The following INO80 variants were observed in gnomAD, a reference collection of about 807,000 sequenced individuals.
INO80 encodes INO80 complex ATPase subunit.
INO80 carries 20 observed loss-of-function variants against 203.4 expected under a neutral mutation model. That is an observed-to-expected ratio of 0.10 (90% CI 0.07 to 0.14). The LOEUF (loss-of-function observed/expected upper bound fraction) is 0.14. Among genes scored for constraint, INO80 ranks in the 10% least tolerant of loss-of-function variants. The probability of loss-of-function intolerance (pLI) is 1.00; values close to 1 mark genes in which losing one functional copy is unlikely to be tolerated. For missense variants in INO80, 1,419 were observed against 1,914.4 expected, an observed-to-expected ratio of 0.74 and a Z score of 4.83; for synonymous variants, 726 against 685.2, an observed-to-expected ratio of 1.06 and a Z score of -0.93.
intron 1 of INO80, among the ~76,000 whole-genome samples, chr15:41,098,039 A>G (rs1254642575): frequency 3.3e-5 from 5 of 152,112 alleles, no homozygotes; most frequent in Admixed American, 3.3e-4. Flanking sequence ...TTTAGTAGAG[A>G]CAGGGTTTCA....
In INO80 at chr15:41,009,895, C is replaced by T. The variant is rs189245757; in HGVS notation, c.3403-4208G>A. On this transcript the variant is annotated intron_variant, in intron 27 of 35. Coordinates refer to ENST00000648947, the MANE Select transcript of INO80 (RefSeq NM_017553.3). ...GATTACAGGTGTAAGCCACTGTGCC[C>T]GGCCAAACATACCTGTTTTAAAAGC... 1.3e-4 allele frequency among the ~76,000 whole-genome samples: 20 copies of T among 152,244 alleles called. No individual in the cohort carries two copies. In the East Asian group the frequency reaches 3.1e-3, roughly 24 times the overall value.
At chr15:41,094,256 C>G (rs1443129839) in intron 4 of INO80, among the ~76,000 whole-genome samples, 2 of 152,184 alleles carry the variant, frequency 1.3e-5, no homozygotes, top group African/African-American at 4.8e-5. Flanking sequence ...CCTGTGTGAT[C>G]ACAGTCTTGT....
intron 31 of INO80, 45 bp from the exon 32 acceptor site, chr15:40,985,471 T>TTA: frequency 7.5e-7 from 1 of 1,326,252 alleles, no homozygotes; most frequent in Non-Finnish European, 1.1e-6. Context: ...CCTGTGGTAA[T>TTA]CATAATCCTC....
rs1460791814 is a variant in INO80, at chr15:41,024,538, G to A, written c.3048+3058C>T. 2.0e-5 allele frequency: 3 copies of A among 152,152 alleles called. No individual in the cohort carries two copies. In the South Asian group the frequency reaches 6.2e-4, roughly 32 times the overall value. 9.4% of individuals were successfully genotyped at this position (152,152 alleles called of 1,614,324 possible). The stretch of plus-strand genomic sequence containing the variant: ...ACCTCTGAAACTACAGTACCTTCAG[G>A]GGCTGCCCCCTTAAGCGTTCAGCGC... On this transcript the variant is annotated intron_variant, in intron 25 of 35. Coordinates refer to ENST00000648947, the MANE Select transcript of INO80 (RefSeq NM_017553.3).
chr15:41,030,915 C>CCT (rs1311834527), intron 24 of INO80, among the ~76,000 whole-genome samples: 3 of 150,758 alleles, frequency 2.0e-5, no homozygotes, highest in Non-Finnish European at 4.4e-5. Flanking sequence ...CATGATCCGT[C>CCT]CACCTTGGCC....
intron 21 of INO80, 68 bp from the exon 22 acceptor site, chr15:41,048,344 G>C: frequency 8.3e-7 from 1 of 1,198,738 alleles, no homozygotes; most frequent in Non-Finnish European, 1.2e-6. Context: ...CTAGACTAGA[G>C]GTTCCATAGC....
At chr15:40,989,580 G>A (rs1295924680) in intron 29 of INO80, among the ~76,000 whole-genome samples, 1 of 152,038 alleles carries the variant, frequency 6.6e-6, no homozygotes, top group Non-Finnish European at 1.5e-5. Context: ...CCTACATCTG[G>A]ATTAGCACTC....
chr15:41,101,551 CT>C (rs773003985), intron 1 of INO80, among the ~76,000 whole-genome samples: 6,124 of 141,916 alleles, frequency 0.043, 346 homozygotes, highest in African/African-American at 0.14. Context: ...TTATTTGTAA[CT>C]TTTTTTTTTT....
At chr15:40,985,779 C>T (rs981772343) in intron 31 of INO80, among the ~76,000 whole-genome samples, 10 of 152,120 alleles carry the variant, frequency 6.6e-5, no homozygotes, top group Middle Eastern at 6.8e-3. Context: ...CACAGTGGTA[C>T]GCGCCTGGGT....
chr15:41,069,865 C>T (rs2045283200), intron 13 of INO80, among the ~76,000 whole-genome samples, 200 bp from the exon 14 acceptor site: 1 of 152,154 alleles, frequency 6.6e-6, no homozygotes, highest in African/African-American at 2.4e-5. Flanking sequence ...AAAAAAATGG[C>T]AAGCAACTAT....
Position 40,980,253 on chromosome 15 carries a change from G to T in INO80, c.4641C>A (p.Gly1547=). 1.2e-6 allele frequency: 2 copies of T among 1,613,126 alleles called. No individual in the cohort carries two copies. Among genetic ancestry groups the T allele is most frequent in the Non-Finnish European group, 1.7e-6 (2 of 1,180,022 alleles). Residue 1547 remains glycine (G), a synonymous_variant, in exon 36 of 36, where the codon GGC becomes GGA. Coordinates refer to ENST00000648947, the MANE Select transcript of INO80 (RefSeq NM_017553.3). The part of the protein sequence containing the change: ...LAPDSLVRKQ[G]KGTNPSGGR ...GTCCTCCAGAGGGGTTGGTGCCTTTGCCCTGTTTCCGGACCAGAGAGTCTG... is the reference window on the plus strand; with the variant it reads ...GTCCTCCAGAGGGGTTGGTGCCTTTTCCCTGTTTCCGGACCAGAGAGTCTG...
chr15:40,987,602 G>A (rs1269476184), intron 30 of INO80, among the ~76,000 whole-genome samples: 1 of 152,192 alleles, frequency 6.6e-6, no homozygotes, highest in African/African-American at 2.4e-5. Flanking sequence ...TCCAGGCTAT[G>A]GAAACCATTC....
intron 29 of INO80, among the ~76,000 whole-genome samples, chr15:40,995,423 T>C (rs1196968652): frequency 1.3e-5 from 2 of 152,196 alleles, no homozygotes; most frequent in Non-Finnish European, 2.9e-5. Context: ...AATCATTATT[T>C]CTGGAATATA....
chr15:41,010,396 C>T (rs890593405), intron 27 of INO80, among the ~76,000 whole-genome samples: 4 of 151,856 alleles, frequency 2.6e-5, no homozygotes, highest in Non-Finnish European at 5.9e-5. Context: ...CAATCACCTC[C>T]TTTTTAAATT....
intron 1 of INO80, among the ~76,000 whole-genome samples, chr15:41,112,765 C>T (rs1337717353): frequency 1.8e-5 from 2 of 110,696 alleles, no homozygotes; most frequent in African/African-American, 3.5e-5. Context: ...TCCAGCCTGG[C>T]GACAGGGCAA....
intron 29 of INO80, among the ~76,000 whole-genome samples, chr15:40,993,469 G>A (rs532581797): frequency 1.8e-4 from 28 of 152,192 alleles, no homozygotes; most frequent in African/African-American, 6.3e-4. Context: ...TGAAAATACA[G>A]CTTTAAGGCC....
chr15:41,030,100 T>C (rs535102167), intron 24 of INO80, among the ~76,000 whole-genome samples: 164 of 152,370 alleles, frequency 1.1e-3, no homozygotes, highest in Non-Finnish European at 1.8e-3. Context: ...TAATTCATCT[T>C]CATTTTGAGT....
intron 31 of INO80, among the ~76,000 whole-genome samples, chr15:40,986,130 A>G (rs1473549894): frequency 6.6e-6 from 1 of 152,118 alleles, no homozygotes; most frequent in Non-Finnish European, 1.5e-5. Flanking sequence ...CAGAAAACAC[A>G]TGGGAGGAGG....
intron 21 of INO80, among the ~76,000 whole-genome samples, chr15:41,048,930 T>C (rs984072277): frequency 6.6e-6 from 1 of 152,218 alleles, no homozygotes; most frequent in Non-Finnish European, 1.5e-5. Flanking sequence ...TTGATTAACT[T>C]ACAATACAAT....
Sources: gnomAD v4.1 joint callset for allele counts (sites outside exome capture counted in the v4.1 genomes callset) on GRCh38, gnomAD v4.1.1 for gene constraint, MANE v1.5 for transcripts, NCBI Gene and HGNC (gene_info 2026-07-23, HGNC 2026-07-21) for gene names.